Variants in MYO7B observed in about 807,000 individuals in gnomAD.
The protein encoded by MYO7B is unconventional myosin-VIIb.
Under a neutral mutation model 259.7 loss-of-function variants are expected in MYO7B, and 212 were observed. That is an observed-to-expected ratio of 0.82 (90% CI 0.73 to 0.91). The LOEUF is 0.91. MYO7B is among the 40% of genes least tolerant of loss of function. The pLI is 0.00. For synonymous variants in MYO7B, 1,197 were observed against 1,166.4 expected (o/e 1.03, Z -0.54); for missense variants, 2,732 against 2,813.5 (o/e 0.97, Z 0.66).
chr2:127,633,327 C>G lies in MYO7B; in HGVS notation c.5475C>G (p.Ile1825Met). 6.2e-7 allele frequency: 1 copy of G among 1,613,028 alleles called. No individual in the cohort carries two copies. The highest frequency in any genetic ancestry group is 1.1e-5 in the South Asian group (1 of 91,040). Residue 1825 changes from isoleucine to methionine, a missense_variant, in exon 40 of 48, where the codon ATC becomes ATG. Transcript: ENST00000409816. The part of the protein sequence containing the change: ...VEAAEQNVSR[I>M]CHKIYFPNDT... Reference sequence around the variant, plus strand: ...CCGCAGAGCAGAACGTCTCCCGCATCTGCCACAAGATCTACTTCCCCAATG... The same window carrying G: ...CCGCAGAGCAGAACGTCTCCCGCATGTGCCACAAGATCTACTTCCCCAATG...
chr2:127,583,326 C>T (rs13025351), intron 12 of MYO7B, among the ~76,000 whole-genome samples: 54,347 of 152,172 alleles, frequency 0.36, 11,459 homozygotes, highest in East Asian at 0.67. Context: ...CCATTCCACA[C>T]GCAAGCACGC....
intron 19 of MYO7B, among the ~76,000 whole-genome samples, chr2:127,603,975 T>C (rs1680063638): frequency 6.6e-6 from 1 of 152,056 alleles, no homozygotes; most frequent in Non-Finnish European, 1.5e-5. Flanking sequence ...CTACTAAAAA[T>C]ACAAAAAATT....
rs1678001992 is a variant in MYO7B at position 127,559,956 on chromosome 2, T to C, written c.18+216T>C. 6.6e-6 allele frequency among the ~76,000 whole-genome samples: 1 copy of C among 152,080 alleles called. No individual in the cohort carries two copies. Among genetic ancestry groups the C allele is most frequent in the Non-Finnish European group, 1.5e-5 (1 of 68,012 alleles). ...ATACATGTATAGTTATGTATAGTTATCCCTCACTTTCATGTAGGGCTTAAC... is the reference window on the plus strand; with the variant it reads ...ATACATGTATAGTTATGTATAGTTACCCCTCACTTTCATGTAGGGCTTAAC... On this transcript the variant is annotated intron_variant, in intron 2 of 47. Coordinates refer to ENST00000409816, the MANE Select transcript of MYO7B (RefSeq NM_001393586.1). The surrounding 1 kb of genome is among the most constrained non-coding windows in gnomAD (Gnocchi z 4.1).
rs1679302172 is a variant in MYO7B at position 127,586,324 on chromosome 2, C to T, written c.1690+1411C>T. On this transcript the variant is annotated intron_variant, in intron 14 of 47. Transcript: ENST00000409816. The surrounding 1 kb of genome is among the most constrained non-coding windows in gnomAD (Gnocchi z 4.8). Reference sequence around the variant, plus strand: ...GTGCCAAGAAAAACGAGGAAGGTGGCCGTGGGCTGCTGTGGTCAGGAAAGC... The same window carrying T: ...GTGCCAAGAAAAACGAGGAAGGTGGTCGTGGGCTGCTGTGGTCAGGAAAGC... Among the ~76,000 whole-genome samples, 1 of 152,142 alleles carries T rather than the reference C, an allele frequency of 6.6e-6. No homozygotes were observed. The highest frequency in any genetic ancestry group is 6.5e-5 in the Admixed American group (1 of 15,270).
chr2:127,584,361 G>A lies in MYO7B; in HGVS notation c.1554+29G>A, dbSNP rs190891775. On this transcript the variant is annotated intron_variant, in intron 13 of 47. Coordinates refer to ENST00000409816, the MANE Select transcript of MYO7B (RefSeq NM_001393586.1). The surrounding 1 kb of genome is among the most constrained non-coding windows in gnomAD (Gnocchi z 5.8). ...TGTGTTCGGGCCTGCCGACCTTCTGGTGGAGGCCCTGCTATGGGTCTCCTC... is the reference window on the plus strand; with the variant it reads ...TGTGTTCGGGCCTGCCGACCTTCTGATGGAGGCCCTGCTATGGGTCTCCTC... 2.6e-4 allele frequency: 422 copies of A among 1,607,550 alleles called. 1 individual carries two copies. In the African/African-American group the frequency reaches 5.1e-3, roughly 19 times the overall value.
At chr2:127,637,185 G>T in intron 47 of MYO7B, 131 bp from the exon 48 acceptor site, 1 of 893,964 alleles carries the variant, frequency 1.1e-6, no homozygotes. Context: ...GGCCCCAATG[G>T]CAGGAGCCCG....
chr2:127,635,833 A>AG lies in MYO7B; in HGVS notation c.5933dup (p.Ser1978ArgfsTer12). ...CAACAACGACCGGTCCCAGCTGGCT[A>AG]GTGTCCCCAAGATCCTGAGGGAACT... On this transcript the variant is annotated frameshift_variant, in exon 44 of 48. Transcript: ENST00000409816. LOFTEE classifies it high-confidence loss of function. 1 of 1,584,962 alleles carries AG rather than the reference A, an allele frequency of 6.3e-7. No individual in the cohort carries two copies. The highest frequency in any genetic ancestry group is 8.6e-7 in the Non-Finnish European group (1 of 1,166,086).
rs542725847 is a variant in MYO7B at position 127,634,745 on chromosome 2, G to A, written c.5713+62G>A. On this transcript the variant is annotated intron_variant, in intron 42 of 47. Coordinates refer to ENST00000409816, the MANE Select transcript of MYO7B (RefSeq NM_001393586.1). ...CTGGGTGGGTCGAGGGGGCACTGGC[G>A]GCCTCTGTGCGGCCCATGCCCATTC... The A allele has an allele frequency of 8.5e-5, 121 of 1,419,700 alleles. No homozygotes were observed. The African/African-American group carries it at 1.4e-3, about 17-fold the overall frequency. The allele number at this position is 1,419,700 out of a possible 1,614,324, so 87.9% of individuals were successfully genotyped here.
Position 127,576,641 on chromosome 2 carries a change from G to T in MYO7B, c.782G>T (p.Gly261Val). Residue 261 changes from glycine (G) to valine (V), a missense_variant, in exon 8 of 48, where the codon GGG becomes GTG. Gly to Val is a moderately radical substitution (Grantham distance 109). Around this residue, in one of 3 missense-constraint regions of MYO7B, gnomAD observed 1,906 missense variants for 2,026.4 expected, o/e 0.94. Transcript: ENST00000409816. This position sits in a 1 kb window ranked among gnomAD's most constrained non-coding sequence, Gnocchi z 4.9. ...NYHIFYCMLM[G>V]VSAEDKQLLS... Reference sequence around the variant, plus strand: ...CATATCTTCTACTGCATGCTCATGGGGGTGAGTGCTGAGGACAAGCAGCTG... The same window carrying T: ...CATATCTTCTACTGCATGCTCATGGTGGTGAGTGCTGAGGACAAGCAGCTG... 6.2e-7 allele frequency: 1 copy of T among 1,612,354 alleles called. No homozygotes were observed. Among genetic ancestry groups the T allele is most frequent in the South Asian group, 1.1e-5 (1 of 90,908 alleles).
At position 127,632,333 on chromosome 2, in the gene MYO7B, G is replaced by A; in HGVS notation, c.5337G>A (p.Lys1779=). 6.2e-7 allele frequency: 1 copy of A among 1,606,774 alleles called. No homozygotes were observed. The highest frequency in any genetic ancestry group is 8.5e-7 in the Non-Finnish European group (1 of 1,176,950). Residue 1779 remains lysine, a synonymous_variant, in exon 39 of 48, where the codon AAG becomes AAA. Coordinates refer to ENST00000409816, the MANE Select transcript of MYO7B (RefSeq NM_001393586.1). The part of the protein sequence containing the change: ...PSKGLLPHAQ[K]FIDTRRGKLL... Reference sequence around the variant, plus strand: ...AGGGGCTGCTGCCCCATGCCCAGAAGTTTATAGACACTCGGAGGGGGAAGC... The same window carrying A: ...AGGGGCTGCTGCCCCATGCCCAGAAATTTATAGACACTCGGAGGGGGAAGC...
At position 127,621,634 on chromosome 2, in the gene MYO7B, G is replaced by A. The variant is rs1048594077; in HGVS notation, c.3526-348G>A. On this transcript the variant is annotated intron_variant, in intron 27 of 47. Transcript: ENST00000409816. ...CTCCCAAATGCCAGCTTGATGCCTCGCTGTTCCAGAAGGCACTGGGGTTGG... is the reference window on the plus strand; with the variant it reads ...CTCCCAAATGCCAGCTTGATGCCTCACTGTTCCAGAAGGCACTGGGGTTGG... 8.5e-5 allele frequency among the ~76,000 whole-genome samples: 13 copies of A among 152,220 alleles called. 1 individual carries two copies. Among genetic ancestry groups the A allele is most frequent in the Admixed American group, 5.9e-4 (9 of 15,308 alleles).
rs1234382251 is a variant in MYO7B at position 127,635,153 on chromosome 2, TC to T, written c.5748del (p.Phe1916LeufsTer15). Reference protein sequence around the residue: ...APVTLPYQVYFMRKLWLNISP... With the variant: ...APVTLPYQVYXMRKLWLNISP... ...GTGACGCTCCCCTACCAGGTGTACT[TC>T]ATGCGGAAATTGTGGCTCAACATAT... On this transcript the variant is annotated frameshift_variant, in exon 43 of 48. Transcript: ENST00000409816. LOFTEE classifies it high-confidence loss of function. The T allele has an allele frequency of 1.9e-6, 3 of 1,613,408 alleles. No homozygotes were observed. The highest frequency in any genetic ancestry group is 2.5e-6 in the Non-Finnish European group (3 of 1,179,744).
rs554354764 is a variant in MYO7B, at chr2:127,577,787, C to T, written c.850-346C>T. Among the ~76,000 whole-genome samples, 1 of 152,358 alleles carries T rather than the reference C, an allele frequency of 6.6e-6. No individual in the cohort carries two copies. Among genetic ancestry groups the T allele is most frequent in the African/African-American group, 2.4e-5 (1 of 41,588 alleles). The stretch of plus-strand genomic sequence containing the variant: ...GCCCCCCTGGATGCGCAGCACAGGG[C>T]CTGGCCCATGGCGAGCCATGGAAAG... On this transcript the variant is annotated intron_variant, in intron 8 of 47. Transcript: ENST00000409816. This position sits in a 1 kb window ranked among gnomAD's most constrained non-coding sequence, Gnocchi z 5.2.
intron 9 of MYO7B, among the ~76,000 whole-genome samples, chr2:127,579,913 C>T (rs1305475929): frequency 1.3e-5 from 2 of 152,098 alleles, no homozygotes; most frequent in African/African-American, 4.8e-5. Context: ...AAAGCCGGCA[C>T]ATTAAATGCT....
intron 9 of MYO7B, among the ~76,000 whole-genome samples, chr2:127,578,649 C>A (rs1275104840): frequency 6.6e-6 from 1 of 152,104 alleles, no homozygotes; most frequent in African/African-American, 2.4e-5. Context: ...CCTGTGAACA[C>A]CCCCAAGCAC....
At chr2:127,616,757 C>T (rs1383379286) in intron 26 of MYO7B, among the ~76,000 whole-genome samples, 1 of 152,172 alleles carries the variant, frequency 6.6e-6, no homozygotes, top group Non-Finnish European at 1.5e-5. Context: ...AGAGCTGTGG[C>T]CTGGATGGGG....
rs2104980435 is a variant in MYO7B, at chr2:127,593,538, C to T, written c.2146-8C>T. On this transcript the variant is annotated splice_polypyrimidine_tract_variant and splice_region_variant and intron_variant, in intron 17 of 47. Coordinates refer to ENST00000409816, the MANE Select transcript of MYO7B (RefSeq NM_001393586.1). ...CCTCCCACCGATACCCCCGTTTGGT[C>T]TTGGCAGCTGCAAGGCAAGCTCCGC... The T allele has an allele frequency of 6.2e-7, 1 of 1,612,458 alleles. No individual in the cohort carries two copies. The highest frequency in any genetic ancestry group is 2.2e-5 in the East Asian group (1 of 44,788).
intron 5 of MYO7B, among the ~76,000 whole-genome samples, chr2:127,568,338 G>A (rs1474333303): frequency 6.6e-6 from 1 of 152,238 alleles, no homozygotes; most frequent in Non-Finnish European, 1.5e-5. Context: ...CCTGATTTTG[G>A]TTCCTTGCAG....
At chr2:127,579,047 A>C (rs1452745323) in intron 9 of MYO7B, among the ~76,000 whole-genome samples, 1 of 152,196 alleles carries the variant, frequency 6.6e-6, no homozygotes, top group Non-Finnish European at 1.5e-5. Flanking sequence ...TGGATGGTTT[A>C]AGGGATTCTG....
Sources: gnomAD v4.1 joint callset for allele counts (sites outside exome capture counted in the v4.1 genomes callset) on GRCh38, gnomAD v4.1.1 for gene constraint, gnomAD v4.1.1 regional missense constraint, Gnocchi (gnomAD v3.1) non-coding constraint, MANE v1.5 for transcripts, NCBI Gene and HGNC (gene_info 2026-07-23, HGNC 2026-07-21) for gene names.